MYO3A: variants seen among roughly 807,000 people sequenced by gnomAD.
MYO3A encodes myosin-IIIa.
In MYO3A, 180 loss-of-function variants were observed where a neutral mutation model predicts 192.7. The ratio of observed to expected loss-of-function variants is 0.93; its 90% confidence interval spans 0.83 to 1.06. The LOEUF (loss-of-function observed/expected upper bound fraction) is 1.06. Among genes scored for constraint, MYO3A ranks in the 50% least tolerant of loss-of-function variants. The pLI is 0.00. For missense variants in MYO3A, 1,896 were observed against 1,905.0 expected (o/e 1.00, Z 0.09); for synonymous variants, 628 against 645.3 (o/e 0.97, Z 0.41).
At chr10:25,969,322 GTA>G (rs1414165830) in intron 4 of MYO3A, among the ~76,000 whole-genome samples, 1 of 152,122 alleles carries the variant, frequency 6.6e-6, no homozygotes, top group Admixed American at 6.5e-5. Flanking sequence ...ATCTCTTACT[GTA>G]CCTAGTTTAT....
intron 29 of MYO3A, among the ~76,000 whole-genome samples, chr10:26,171,675 C>T (rs1406566074): frequency 2.0e-5 from 3 of 152,178 alleles, no homozygotes; most frequent in South Asian, 2.1e-4. Flanking sequence ...TTGTTACTGG[C>T]GATAAAACAG....
chr10:26,151,619 T>C (rs1247057726), intron 23 of MYO3A, among the ~76,000 whole-genome samples: 3 of 152,222 alleles, frequency 2.0e-5, no homozygotes, highest in Non-Finnish European at 4.4e-5. Flanking sequence ...TTTAATCCAG[T>C]CTGACAATCT....
chr10:26,078,130 C>CGTTTTTTTTTTTT (rs1835707953), intron 14 of MYO3A, among the ~76,000 whole-genome samples: 1 of 122,298 alleles, frequency 8.2e-6, no homozygotes, highest in Non-Finnish European at 1.8e-5. Flanking sequence ...TGGTCCTGGA[C>CGTTTTTTTTTTTT]TTTTTTTTTT....
rs963454084 is a variant in MYO3A, at chr10:26,095,933, C to T, written c.1563-448C>T. On this transcript the variant is annotated intron_variant, in intron 15 of 34. Transcript: ENST00000642920. ...GGGGGAGATTGACAGCTCTAATCCT[C>T]GGTTTCCTTCTCCATAAAATAGGAA... 3.9e-5 allele frequency among the ~76,000 whole-genome samples: 6 copies of T among 152,174 alleles called. No homozygotes were observed. In the South Asian group the frequency reaches 8.3e-4, roughly 21 times the overall value.
chr10:26,046,628 T>G (rs1412293823), intron 10 of MYO3A, among the ~76,000 whole-genome samples: 1 of 152,228 alleles, frequency 6.6e-6, no homozygotes, highest in African/African-American at 2.4e-5. Context: ...TCTGTGATAT[T>G]AGCTATGTAC....
chr10:26,173,686 C>T lies in MYO3A; in HGVS notation c.3422C>T (p.Ala1141Val). 6.2e-7 allele frequency: 1 copy of T among 1,613,612 alleles called. No homozygotes were observed. Among genetic ancestry groups the T allele is most frequent in the Non-Finnish European group, 8.5e-7 (1 of 1,179,772 alleles). ...NTRESFVKKQAENAISANERF... is the reference protein window; with the variant it reads ...NTRESFVKKQVENAISANERF... ...AGGGAATCTTTCGTGAAGAAACAAG[C>T]AGAAAATGCAATCTCTGCTAATGAA... Residue 1141 changes from alanine to valine, a missense_variant, in exon 30 of 35, where the codon GCA becomes GTA. Ala to Val is a moderately conservative substitution (Grantham distance 64). Transcript: ENST00000642920.
chr10:25,978,398 G>A (rs1588692748), intron 4 of MYO3A, among the ~76,000 whole-genome samples: 1 of 152,316 alleles, frequency 6.6e-6, no homozygotes, highest in South Asian at 2.1e-4. Flanking sequence ...CACGTGGATG[G>A]CAGTAGGCAA....
chr10:25,938,798 C>T (rs17665883), intron 2 of MYO3A, among the ~76,000 whole-genome samples: 46,384 of 152,048 alleles, frequency 0.31, 7,725 homozygotes, highest in South Asian at 0.43. Flanking sequence ...AAAAGTCCTG[C>T]TTTCTGCATG....
chr10:26,211,681 C>G (rs188958028), intron 34 of MYO3A, among the ~76,000 whole-genome samples, 162 bp from the exon 35 acceptor site: 17 of 152,250 alleles, frequency 1.1e-4, no homozygotes, highest in Non-Finnish European at 1.8e-4. Flanking sequence ...AGAATTATCG[C>G]AGATACGTTT....
At chr10:26,003,302 T>C (rs552574963) in intron 6 of MYO3A, among the ~76,000 whole-genome samples, 1 of 152,326 alleles carries the variant, frequency 6.6e-6, no homozygotes, top group South Asian at 2.1e-4. Context: ...GCTTAATAAA[T>C]AGTTGCTAAA....
intron 14 of MYO3A, among the ~76,000 whole-genome samples, chr10:26,081,271 A>G (rs1275150663): frequency 6.6e-6 from 1 of 151,406 alleles, no homozygotes; most frequent in Non-Finnish European, 1.5e-5. Context: ...TGAGATTCCC[A>G]GGTCACTGGA....
intron 22 of MYO3A, among the ~76,000 whole-genome samples, 167 bp downstream of exon 22, chr10:26,145,701 A>T (rs1284164103): frequency 1.3e-5 from 2 of 152,098 alleles, no homozygotes; most frequent in African/African-American, 4.8e-5. Flanking sequence ...CCTGTAATCC[A>T]TCCTGTCCTT....
chr10:26,077,233 G>GTTTTTTTTGTTT, intron 14 of MYO3A, among the ~76,000 whole-genome samples: 1 of 36,284 alleles, frequency 2.8e-5, no homozygotes, highest in Non-Finnish European at 5.3e-5. Flanking sequence ...TATTCCTAAG[G>GTTTTTTTTGTTT]TTTTTTTTTT....
At chr10:26,100,993 G>C (rs1837411094) in intron 17 of MYO3A, among the ~76,000 whole-genome samples, 1 of 152,122 alleles carries the variant, frequency 6.6e-6, no homozygotes, top group African/African-American at 2.4e-5. Context: ...ATTGACAGTG[G>C]GGTGTTAAAG....
At chr10:26,183,822 A>C (rs1842733606) in intron 31 of MYO3A, among the ~76,000 whole-genome samples, 1 of 152,212 alleles carries the variant, frequency 6.6e-6, no homozygotes, top group South Asian at 2.1e-4. Flanking sequence ...CCTAAGTTCT[A>C]GGGACACTCA....
chr10:26,191,040 A>T (rs911633199), intron 31 of MYO3A, among the ~76,000 whole-genome samples: 1 of 152,198 alleles, frequency 6.6e-6, no homozygotes, highest in Non-Finnish European at 1.5e-5. Context: ...ATTTTAAATA[A>T]TATTGAAGCC....
At chr10:26,210,133 GGGAAGGAAGGAAGGAAGAAA>G (rs1230088219) in intron 34 of MYO3A, among the ~76,000 whole-genome samples, 1 of 138,358 alleles carries the variant, frequency 7.2e-6, no homozygotes, top group Non-Finnish European at 1.5e-5. Flanking sequence ...GAGGGAGGGA[GGGAAGGAAGGAAGGAAGAAA>G]GGAAGGAAGG....
At chr10:26,193,068 G>A (rs1380560546) in intron 31 of MYO3A, 137 bp from the exon 32 acceptor site, 5 of 732,882 alleles carry the variant, frequency 6.8e-6, no homozygotes, top group African/African-American at 5.3e-5. Context: ...GGTTGGTTAT[G>A]CAGCAAACGT....
intron 14 of MYO3A, among the ~76,000 whole-genome samples, chr10:26,081,161 G>T (rs1029089823): frequency 1.0e-5 from 1 of 96,012 alleles, no homozygotes; most frequent in Non-Finnish European, 2.4e-5. Flanking sequence ...CGCTACCAGG[G>T]TGGGTAGGGA....
Sources: gnomAD v4.1 joint callset for allele counts (sites outside exome capture counted in the v4.1 genomes callset) on GRCh38, gnomAD v4.1.1 for gene constraint, MANE v1.5 for transcripts, NCBI Gene and HGNC (gene_info 2026-07-23, HGNC 2026-07-21) for gene names.